MYCBP2: variants seen among roughly 807,000 people sequenced by gnomAD.
MYCBP2 encodes MYC binding protein 2.
In MYCBP2, 120 loss-of-function variants were observed where a neutral mutation model predicts 525.3. That is an observed-to-expected ratio of 0.23 (90% CI 0.20 to 0.27). The LOEUF is 0.27. MYCBP2 is among the 10% of genes least tolerant of loss of function. The probability of loss-of-function intolerance (pLI) is 1.00; values close to 1 mark genes in which losing one functional copy is unlikely to be tolerated. For synonymous variants in MYCBP2, 1,894 were observed against 1,955.8 expected, an observed-to-expected ratio of 0.97 and a Z score of 0.83; for missense variants, 4,149 against 5,657.1, an observed-to-expected ratio of 0.73 and a Z score of 8.55.
intron 54 of MYCBP2, among the ~76,000 whole-genome samples, chr13:77,124,839 T>C (rs1449418345): frequency 6.6e-6 from 1 of 152,124 alleles, no homozygotes; most frequent in Non-Finnish European, 1.5e-5. Flanking sequence ...TATTAAGTGA[T>C]AGCCATGTTG....
At chr13:77,126,732 A>G (rs2051738985) in intron 52 of MYCBP2, among the ~76,000 whole-genome samples, 190 bp from the exon 53 acceptor site, 1 of 152,178 alleles carries the variant, frequency 6.6e-6, no homozygotes, top group Admixed American at 6.5e-5. Context: ...AATGCTATTT[A>G]AAATAAAGTT....
In MYCBP2 at chr13:77,057,100, T is replaced by C; in HGVS notation, c.13330-7A>G. On this transcript the variant is annotated splice_region_variant and splice_polypyrimidine_tract_variant and intron_variant, in intron 78 of 82. Coordinates refer to ENST00000544440, the MANE Select transcript of MYCBP2 (RefSeq NM_015057.5). ...ATATGTGACTACAATCCAGCTTAAA[T>C]AAACAAAAGAAAAGGACATAAGCAA... 2 of 1,594,326 alleles carry C rather than the reference T, an allele frequency of 1.3e-6. No homozygotes were observed. Among genetic ancestry groups the C allele is most frequent in the Non-Finnish European group, 1.7e-6 (2 of 1,162,558 alleles).
At position 77,170,834 on chromosome 13, in the gene MYCBP2, C is replaced by CAA. The variant is rs1266240709; in HGVS notation, c.5794+656_5794+657dup. On this transcript the variant is annotated intron_variant, in intron 38 of 82. Transcript: ENST00000544440. Reference sequence around the variant, plus strand: ...TCATGATCTGCCTTCCTCGGCCTCCCAAAGTGCTGGGATTACAGGCATGAG... The same window carrying CAA: ...TCATGATCTGCCTTCCTCGGCCTCCCAAAAAGTGCTGGGATTACAGGCATGAG... Among the ~76,000 whole-genome samples, 4 of 152,228 alleles carry CAA rather than the reference C, an allele frequency of 2.6e-5. No individual in the cohort carries two copies. The East Asian group carries it at 7.7e-4, about 29-fold the overall frequency.
At chr13:77,269,920 C>T (rs1594513929) in intron 7 of MYCBP2, 72 bp downstream of exon 7, 1 of 1,128,282 alleles carries the variant, frequency 8.9e-7, no homozygotes. Flanking sequence ...AGTGATATTA[C>T]TGATTAAACA....
intron 40 of MYCBP2, among the ~76,000 whole-genome samples, chr13:77,166,966 AACACACACAT>A (rs200173979): frequency 1.8e-3 from 226 of 123,966 alleles, no homozygotes; most frequent in Middle Eastern, 7.6e-3. Flanking sequence ...TCAAAGACAA[AACACACACAT>A]ACACACACAC....
chr13:77,187,247 A>C (rs1004651276), intron 30 of MYCBP2, among the ~76,000 whole-genome samples: 2 of 152,256 alleles, frequency 1.3e-5, no homozygotes, highest in Non-Finnish European at 2.9e-5. Flanking sequence ...TAAAGAAAGC[A>C]TAACAGAGTC....
At chr13:77,152,711 T>G (rs1165230678) in intron 46 of MYCBP2, among the ~76,000 whole-genome samples, 2 of 152,078 alleles carry the variant, frequency 1.3e-5, no homozygotes, top group African/African-American at 4.8e-5. Context: ...AATATCACCT[T>G]CTTCTCACAC....
At chr13:77,183,257 T>C (rs1425848839) in intron 32 of MYCBP2, among the ~76,000 whole-genome samples, 1 of 152,160 alleles carries the variant, frequency 6.6e-6, no homozygotes, top group Non-Finnish European at 1.5e-5. Context: ...ATAAAATTAG[T>C]TGGGAAGTGT....
chr13:77,083,638 A>G (rs1020118950), intron 62 of MYCBP2, among the ~76,000 whole-genome samples: 1 of 151,932 alleles, frequency 6.6e-6, no homozygotes, highest in Non-Finnish European at 1.5e-5. Context: ...TGTGAATTAG[A>G]AAAAAAAGCT....
At chr13:77,128,338 T>C (rs1416321062) in intron 52 of MYCBP2, among the ~76,000 whole-genome samples, 2 of 151,902 alleles carry the variant, frequency 1.3e-5, no homozygotes, top group East Asian at 3.8e-4. Context: ...AAAAATTACA[T>C]GGCAACATAA....
At position 77,224,552 on chromosome 13, in the gene MYCBP2, CTTTAT is replaced by C; in HGVS notation, c.2858-25_2858-21del. 6.6e-7 allele frequency: 1 copy of C among 1,505,570 alleles called. No individual in the cohort carries two copies. Among genetic ancestry groups the C allele is most frequent in the Non-Finnish European group, 9.2e-7 (1 of 1,088,278 alleles). 93.3% of individuals were successfully genotyped at this position (1,505,570 alleles called of 1,614,324 possible). On this transcript the variant is annotated intron_variant, in intron 19 of 82. Transcript: ENST00000544440. ...AAACCACTGCAACCAAAACACACAG[CTTTAT>C]TTTTTCATTATATGCATTTTACATT...
chr13:77,107,735 CA>C (rs2048067184), intron 55 of MYCBP2, among the ~76,000 whole-genome samples: 1 of 151,342 alleles, frequency 6.6e-6, no homozygotes, highest in South Asian at 2.1e-4. Context: ...GAAATTGTCT[CA>C]AAAAAATAAA....
chr13:77,047,704 A>C (rs76290235), intron 82 of MYCBP2, among the ~76,000 whole-genome samples: 1,960 of 152,220 alleles, frequency 0.013, 41 homozygotes, highest in African/African-American at 0.044. Context: ...CAATCAGATA[A>C]AGGACAAGAC....
intron 21 of MYCBP2, among the ~76,000 whole-genome samples, chr13:77,214,936 C>A (rs1256707253): frequency 6.6e-6 from 1 of 152,124 alleles, no homozygotes; most frequent in Admixed American, 6.6e-5. Context: ...TGTGTATACA[C>A]ATACATACAT....
In MYCBP2 at chr13:77,326,833, GC is replaced by G. The variant is rs1009296097; in HGVS notation, c.-59del. ...CCCCGCGGGCCGGGCGGGCAGACAC[GC>G]GCGCGCACACACAGCCCTTTTCCAA... On this transcript the variant is annotated 5_prime_UTR_variant, in exon 1 of 83. Transcript: ENST00000544440. The surrounding 1 kb of genome is among the most constrained non-coding windows in gnomAD (Gnocchi z 4.2). 5.9e-6 allele frequency: 8 copies of G among 1,363,650 alleles called. No homozygotes were observed. In the African/African-American group the frequency reaches 7.7e-5, roughly 13 times the overall value. 84.5% of individuals were successfully genotyped at this position (1,363,650 alleles called of 1,614,324 possible).
intron 32 of MYCBP2, among the ~76,000 whole-genome samples, chr13:77,184,466 T>C (rs1214371576): frequency 6.6e-6 from 1 of 152,244 alleles, no homozygotes; most frequent in Non-Finnish European, 1.5e-5. Flanking sequence ...TTGAAAAGAA[T>C]ATGTATTTTG....
At chr13:77,283,521 G>T (rs747247995) in intron 3 of MYCBP2, among the ~76,000 whole-genome samples, 1 of 152,158 alleles carries the variant, frequency 6.6e-6, no homozygotes, top group Non-Finnish European at 1.5e-5. Context: ...ATGATCCTAG[G>T]TAAGTCTAAA....
chr13:77,266,857 G>A (rs977811588), intron 8 of MYCBP2, among the ~76,000 whole-genome samples: 1 of 150,746 alleles, frequency 6.6e-6, no homozygotes, highest in South Asian at 2.1e-4. Context: ...TTTCTGAAAT[G>A]GACATGAAAT....
chr13:77,192,999 T>A (rs1384172958), intron 27 of MYCBP2, among the ~76,000 whole-genome samples: 2 of 152,004 alleles, frequency 1.3e-5, no homozygotes, highest in African/African-American at 4.8e-5. Context: ...CCTGGTGGCA[T>A]GCGACTGTAG....
Sources: allele counts gnomAD v4.1 joint callset (sites outside exome capture counted in the v4.1 genomes callset), GRCh38; gene constraint gnomAD v4.1.1; non-coding constraint Gnocchi (gnomAD v3.1); transcripts MANE v1.5; gene names NCBI Gene and HGNC (gene_info 2026-07-23, HGNC 2026-07-21).